ABCG1: variants seen among roughly 807,000 people sequenced by gnomAD.
The protein encoded by ABCG1 is ATP-binding cassette sub-family G member 1.
ABCG1 carries 29 observed loss-of-function variants against 69.2 expected under a neutral mutation model. That is an observed-to-expected ratio of 0.42 (90% CI 0.31 to 0.57). The LOEUF is 0.57. Ranked by LOEUF, ABCG1 falls within the 20% of genes least tolerant of loss-of-function variation. The pLI is 0.15. For missense variants in ABCG1, 718 were observed against 898.1 expected (o/e 0.80, Z 2.56); for synonymous variants, 370 against 374.8 (o/e 0.99, Z 0.15).
At chr21:42,266,157 C>T (rs1411609885) in intron 2 of ABCG1, among the ~76,000 whole-genome samples, 2 of 152,020 alleles carry the variant, frequency 1.3e-5, no homozygotes, top group African/African-American at 4.8e-5. Flanking sequence ...AAAAATTAGC[C>T]TGGCATGGTG....
chr21:42,240,512 G>T (rs989767424), intron 2 of ABCG1, among the ~76,000 whole-genome samples: 3 of 152,252 alleles, frequency 2.0e-5, no homozygotes, highest in African/African-American at 7.2e-5. Context: ...GTGCAGTAGC[G>T]CAATCTCAGC....
At chr21:42,210,959 CTTTTTTT>C (rs1555945834) in intron 2 of ABCG1, among the ~76,000 whole-genome samples, 1 of 137,382 alleles carries the variant, frequency 7.3e-6, no homozygotes, top group Non-Finnish European at 1.6e-5. Context: ...TTTCTTTCTT[CTTTTTTT>C]TTTTTTTTTT....
At chr21:42,262,612 C>A (rs2068432300) in intron 2 of ABCG1, among the ~76,000 whole-genome samples, 1 of 152,174 alleles carries the variant, frequency 6.6e-6, no homozygotes, top group Non-Finnish European at 1.5e-5. Context: ...TGGGAATATG[C>A]CCACTCGGAG....
chr21:42,203,414 G>T (rs187553464), intron 2 of ABCG1, among the ~76,000 whole-genome samples: 50 of 152,128 alleles, frequency 3.3e-4, no homozygotes, highest in Non-Finnish European at 6.0e-4. Context: ...TTCCCTGAAA[G>T]GTTATTTCAC....
chr21:42,217,439 C>T (rs147226355), upstream of ABCG1, among the ~76,000 whole-genome samples: 218 of 152,170 alleles, frequency 1.4e-3, no homozygotes, highest in Non-Finnish European at 2.5e-3. Flanking sequence ...GGGCTGGGCA[C>T]CAGTCCCCAT....
Position 42,291,393 on chromosome 21 carries a change from C to T in ABCG1, c.1495-105C>T, listed in dbSNP as rs1418686395. On this transcript the variant is annotated intron_variant, in intron 12 of 14. Transcript: ENST00000398449. This position sits in a 1 kb window ranked among gnomAD's most constrained non-coding sequence, Gnocchi z 6.4. ...GTGGGGAAGGACCCGACTTTGGGAG[C>T]TCTGGCGGGAGCTGCGGGGAAGGGC... 6.7e-7 allele frequency: 1 copy of T among 1,482,742 alleles called. No individual in the cohort carries two copies. The highest frequency in any genetic ancestry group is 9.2e-7 in the Non-Finnish European group (1 of 1,091,882). 91.8% of individuals were successfully genotyped at this position (1,482,742 alleles called of 1,614,324 possible). A position where few individuals can be genotyped will look rare whatever the true frequency, so the allele number is the denominator to read the frequency against.
chr21:42,270,710 T>C (rs1422441952), intron 2 of ABCG1, among the ~76,000 whole-genome samples: 1 of 152,188 alleles, frequency 6.6e-6, no homozygotes, highest in African/African-American at 2.4e-5. Context: ...GTTCTGCCCA[T>C]ACTGGCCGAG....
At chr21:42,229,177 C>T (rs1055452049) in intron 2 of ABCG1, among the ~76,000 whole-genome samples, 1 of 152,236 alleles carries the variant, frequency 6.6e-6, no homozygotes, top group Non-Finnish European at 1.5e-5. Flanking sequence ...GCATTTCTCT[C>T]TTCTCACAGT....
At chr21:42,201,538 T>A in intron 1 of ABCG1, 1 of 1,365,744 alleles carries the variant, frequency 7.3e-7, no homozygotes, top group Non-Finnish European at 1.0e-6. Context: ...TTAATCTGAG[T>A]GAGCTTCATT....
chr21:42,227,763 G>A (rs1040306545), intron 2 of ABCG1, among the ~76,000 whole-genome samples: 4 of 152,178 alleles, frequency 2.6e-5, no homozygotes, highest in African/African-American at 4.8e-5. Context: ...GGTTGGGGAG[G>A]GCTCAGGAAA....
Position 42,291,673 on chromosome 21 carries a change from C to G in ABCG1, c.1653+17C>G. 1.3e-6 allele frequency: 2 copies of G among 1,588,320 alleles called. No individual in the cohort carries two copies. The highest frequency in any genetic ancestry group is 3.3e-4 in the Middle Eastern group (2 of 5,980). ...TCCCTGCAGGTGCCAGCCCAGGAGG[C>G]GCTAAGTGAGGGCATGACGGCTGGG... is the stretch of plus-strand genomic sequence containing the variant. On this transcript the variant is annotated intron_variant, in intron 13 of 14. Transcript: ENST00000398449. This position sits in a 1 kb window ranked among gnomAD's most constrained non-coding sequence, Gnocchi z 6.4.
At chr21:42,283,651 T>TAC (rs1459211361) in intron 6 of ABCG1, among the ~76,000 whole-genome samples, 9 of 143,588 alleles carry the variant, frequency 6.3e-5, no homozygotes, top group Admixed American at 2.1e-4. Context: ...AGTTGTGAAG[T>TAC]CCCCCCCCAC....
chr21:42,267,818 G>A (rs1411886693), intron 2 of ABCG1, among the ~76,000 whole-genome samples: 1 of 150,766 alleles, frequency 6.6e-6, no homozygotes. Flanking sequence ...GGTGTGGTCT[G>A]GGTTCTGTCT....
At chr21:42,204,825 T>G (rs2067530968) in intron 2 of ABCG1, among the ~76,000 whole-genome samples, 1 of 152,170 alleles carries the variant, frequency 6.6e-6, no homozygotes, top group African/African-American at 2.4e-5. Flanking sequence ...AACTATAGTA[T>G]TTTTTAAAAA....
intron 1 of ABCG1, among the ~76,000 whole-genome samples, chr21:42,225,144 T>C (rs1378811607): frequency 6.6e-6 from 1 of 152,202 alleles, no homozygotes; most frequent in Admixed American, 6.5e-5. Flanking sequence ...ATTTGGAAAT[T>C]TTAAATGCAA....
At chr21:42,292,725 C>A (rs1317087913) in intron 13 of ABCG1, among the ~76,000 whole-genome samples, 1 of 149,198 alleles carries the variant, frequency 6.7e-6, no homozygotes, top group Admixed American at 6.7e-5. Context: ...ACACTACACA[C>A]CACACACTGC....
rs1260742766 is a variant in ABCG1 at position 42,287,732 on chromosome 21, G to T, written c.974-157G>T. On this transcript the variant is annotated intron_variant, in intron 8 of 14. Transcript: ENST00000398449. This position sits in a 1 kb window ranked among gnomAD's most constrained non-coding sequence, Gnocchi z 6.2. ...CTGGGGGGTTTGAGAGCCGCACGCT[G>T]GTTGATAAATGATTTTGACGTCATG... 2.6e-5 allele frequency among the ~76,000 whole-genome samples: 4 copies of T among 152,240 alleles called. No homozygotes were observed. The highest frequency in any genetic ancestry group is 5.9e-5 in the Non-Finnish European group (4 of 68,034).
intron 2 of ABCG1, among the ~76,000 whole-genome samples, chr21:42,259,090 C>G (rs2068359792): frequency 6.6e-6 from 1 of 152,170 alleles, no homozygotes; most frequent in East Asian, 1.9e-4. Context: ...CCTGTTTTCC[C>G]CCAAGAACAC....
intron 13 of ABCG1, among the ~76,000 whole-genome samples, chr21:42,293,322 C>T: frequency 7.2e-6 from 1 of 138,972 alleles, no homozygotes. Flanking sequence ...ACACAGTACA[C>T]ACTACACACC....
Sources: allele counts gnomAD v4.1 joint callset (sites outside exome capture counted in the v4.1 genomes callset), GRCh38; gene constraint gnomAD v4.1.1; non-coding constraint Gnocchi (gnomAD v3.1); transcripts MANE v1.5; gene names NCBI Gene and HGNC (gene_info 2026-07-23, HGNC 2026-07-21).